The following ASAP2 variants were observed in gnomAD, a reference collection of about 807,000 sequenced individuals.
ASAP2 encodes the protein ArfGAP with SH3 domain, ankyrin repeat and PH domain 2.
Under a neutral mutation model 131.4 loss-of-function variants are expected in ASAP2, and 45 were observed. That is an observed-to-expected ratio of 0.34 (90% CI 0.27 to 0.44). ASAP2 has a LOEUF of 0.44. Ranked by LOEUF, ASAP2 falls within the 20% of genes least tolerant of loss-of-function variation. The pLI, the probability that ASAP2 is intolerant of heterozygous loss-of-function variation, is 1.00. For synonymous variants in ASAP2, 510 were observed against 503.0 expected, an observed-to-expected ratio of 1.01 and a Z score of -0.19; for missense variants, 1,011 against 1,297.0, an observed-to-expected ratio of 0.78 and a Z score of 3.39.
chr2:9,395,606 T>A (rs1324729603), intron 24 of ASAP2, among the ~76,000 whole-genome samples: 1 of 97,132 alleles, frequency 1.0e-5, no homozygotes, highest in Non-Finnish European at 2.0e-5. Context: ...TTTTTTTTTT[T>A]TTTTTTTTTT....
chr2:9,404,787 C>A lies in ASAP2; in HGVS notation c.*1460C>A. The A allele has an allele frequency of 6.6e-6, 1 of 151,272 alleles. No homozygotes were observed. The highest frequency in any genetic ancestry group is 2.4e-5 in the African/African-American group (1 of 41,158). The allele number at this position is 151,272 out of a possible 1,614,324, so 9.4% of individuals were successfully genotyped here. A position where few individuals can be genotyped will look rare whatever the true frequency, so the allele number is the denominator to read the frequency against. Reference sequence around the variant, plus strand: ...TTTTTGTTTTTGTTATAAAGGAAGACAGAACAAACTGGAATGTTTTATGAT... The same window carrying A: ...TTTTTGTTTTTGTTATAAAGGAAGAAAGAACAAACTGGAATGTTTTATGAT... On this transcript the variant is annotated 3_prime_UTR_variant, in exon 28 of 28. Transcript: ENST00000281419.
At position 9,392,564 on chromosome 2, in the gene ASAP2, G is replaced by T. The variant is rs1297341946; in HGVS notation, c.2519-918G>T. On this transcript the variant is annotated intron_variant, in intron 23 of 27. Coordinates refer to ENST00000281419, the MANE Select transcript of ASAP2 (RefSeq NM_003887.3). The surrounding 1 kb of genome is among the most constrained non-coding windows in gnomAD (Gnocchi z 4.0). ...AAAGGCCAGAAGGAACCACTTTCCT[G>T]CCTCTCCGTCTGGTGGTCCAGGGGC... Among the ~76,000 whole-genome samples, 3 of 152,202 alleles carry T rather than the reference G, an allele frequency of 2.0e-5. No homozygotes were observed. Among genetic ancestry groups the T allele is most frequent in the South Asian group, 2.1e-4 (1 of 4,824 alleles).
chr2:9,207,439 C>G lies in ASAP2; in HGVS notation c.126+209C>G, dbSNP rs553680094. Among the ~76,000 whole-genome samples the G allele has an allele frequency of 6.6e-6, 1 of 152,174 alleles. No individual in the cohort carries two copies. The highest frequency in any genetic ancestry group is 2.4e-5 in the African/African-American group (1 of 41,464). On this transcript the variant is annotated intron_variant, in intron 1 of 27. Transcript: ENST00000281419. The surrounding 1 kb of genome is among the most constrained non-coding windows in gnomAD (Gnocchi z 4.1). ...CCACCTTGGGCCTCTTTAAGACCTC[C>G]CCTCTCTCGGCCTCGTGGCCCTCGC... is the stretch of plus-strand genomic sequence containing the variant.
chr2:9,280,534 C>T (rs562197524), intron 2 of ASAP2, among the ~76,000 whole-genome samples: 12 of 152,266 alleles, frequency 7.9e-5, no homozygotes, highest in South Asian at 2.1e-4. Flanking sequence ...TAACAGAAGA[C>T]GCACAGGAAT....
At position 9,385,261 on chromosome 2, in the gene ASAP2, C is replaced by A; in HGVS notation, c.2033C>A (p.Ser678Tyr). ...HCEELLTQAL[S>Y]GRFNSHVHVE... The stretch of plus-strand genomic sequence containing the variant: ...TTCTCTCAGCTGACCCAAGCCTTAT[C>A]TGGAAGATTTAATTCTCACGTTCAC... The change falls in exon 21 of 28, where the codon TCT becomes TAT. Residue 678 changes from serine (S) to tyrosine (Y), a missense_variant. Ser to Tyr is a moderately radical substitution (Grantham distance 144). Transcript: ENST00000281419. 6.2e-7 allele frequency: 1 copy of A among 1,613,960 alleles called. No homozygotes were observed. The highest frequency in any genetic ancestry group is 8.5e-7 in the Non-Finnish European group (1 of 1,179,808).
intron 1 of ASAP2, among the ~76,000 whole-genome samples, chr2:9,253,092 T>G (rs1053110211): frequency 2.0e-5 from 3 of 152,170 alleles, no homozygotes; most frequent in African/African-American, 4.8e-5. Flanking sequence ...CGTTTTTTGT[T>G]GTTTTTTAAA....
chr2:9,293,599 T>A (rs924451392), intron 2 of ASAP2, among the ~76,000 whole-genome samples: 1 of 152,236 alleles, frequency 6.6e-6, no homozygotes, highest in African/African-American at 2.4e-5. Context: ...AATGATTTTC[T>A]GTTCTCTAGT....
At chr2:9,361,742 A>G (rs1156483378) in intron 15 of ASAP2, among the ~76,000 whole-genome samples, 3 of 151,958 alleles carry the variant, frequency 2.0e-5, no homozygotes, top group Non-Finnish European at 4.4e-5. Flanking sequence ...TAAGTTTTGC[A>G]TTTTTGGTAG....
At chr2:9,403,052 C>T (rs991156904) in intron 27 of ASAP2, among the ~76,000 whole-genome samples, 5 of 152,144 alleles carry the variant, frequency 3.3e-5, no homozygotes, top group African/African-American at 9.7e-5. Flanking sequence ...GCTCCTTACA[C>T]GGGAGAGGCC....
intron 21 of ASAP2, among the ~76,000 whole-genome samples, chr2:9,386,399 C>T (rs1329096543): frequency 6.6e-6 from 1 of 151,656 alleles, no homozygotes; most frequent in Non-Finnish European, 1.5e-5. Flanking sequence ...AAAAAAAAAG[C>T]TGGAAGCAGT....
chr2:9,391,252 G>C (rs192172589), intron 23 of ASAP2, 56 bp downstream of exon 23: 2 of 1,561,470 alleles, frequency 1.3e-6, no homozygotes, highest in Non-Finnish European at 1.7e-6. Context: ...TCTGGATGGC[G>C]GGGGGTGCTC....
At position 9,297,281 on chromosome 2, in the gene ASAP2, C is replaced by T. The variant is rs751553633; in HGVS notation, c.200-19C>T. ...GTGGCATGCCTGAGACTCACAGCAC[C>T]TCCGTCATTCTGTTGCAGCTCACGT... On this transcript the variant is annotated intron_variant, in intron 2 of 27. Coordinates refer to ENST00000281419, the MANE Select transcript of ASAP2 (RefSeq NM_003887.3). 6.2e-7 allele frequency: 1 copy of T among 1,610,426 alleles called. No individual in the cohort carries two copies. The highest frequency in any genetic ancestry group is 1.1e-5 in the South Asian group (1 of 90,918).
chr2:9,395,632 G>T (rs1676084610), intron 24 of ASAP2, among the ~76,000 whole-genome samples: 1 of 79,356 alleles, frequency 1.3e-5, no homozygotes, highest in African/African-American at 4.7e-5. Flanking sequence ...TTTTGAGATG[G>T]AGTCTTGCTC....
intron 1 of ASAP2, among the ~76,000 whole-genome samples, chr2:9,263,436 G>A (rs1665717522): frequency 6.6e-6 from 1 of 152,250 alleles, no homozygotes; most frequent in African/African-American, 2.4e-5. Flanking sequence ...TTGCCAAAAT[G>A]TGGCTTTTCC....
At chr2:9,322,326 C>T (rs867379642) in intron 5 of ASAP2, among the ~76,000 whole-genome samples, 1 of 152,222 alleles carries the variant, frequency 6.6e-6, no homozygotes, top group African/African-American at 2.4e-5. Context: ...CCCATTTCAT[C>T]ACTGGATGCC....
intron 24 of ASAP2, among the ~76,000 whole-genome samples, chr2:9,394,464 C>T (rs1675962447): frequency 6.6e-6 from 1 of 152,074 alleles, no homozygotes; most frequent in South Asian, 2.1e-4. Flanking sequence ...GCACCAGGCC[C>T]CAGTTCGTGG....
At chr2:9,255,347 A>G (rs1182409513) in intron 1 of ASAP2, among the ~76,000 whole-genome samples, 1 of 152,246 alleles carries the variant, frequency 6.6e-6, no homozygotes, top group Non-Finnish European at 1.5e-5. Flanking sequence ...AATAATCTGA[A>G]ACAAGATTCT....
At chr2:9,322,003 G>C (rs889055646) in intron 5 of ASAP2, among the ~76,000 whole-genome samples, 4 of 152,202 alleles carry the variant, frequency 2.6e-5, no homozygotes, top group Admixed American at 2.6e-4. Context: ...TCCCATACCT[G>C]ATTATTAAGA....
At chr2:9,296,690 A>T (rs1261807477) in intron 2 of ASAP2, among the ~76,000 whole-genome samples, 1 of 152,204 alleles carries the variant, frequency 6.6e-6, no homozygotes, top group Non-Finnish European at 1.5e-5. Flanking sequence ...GAGTGCAAGG[A>T]TAGGAGAGGT....
Sources: allele counts gnomAD v4.1 joint callset (sites outside exome capture counted in the v4.1 genomes callset), GRCh38; gene constraint gnomAD v4.1.1; non-coding constraint Gnocchi (gnomAD v3.1); transcripts MANE v1.5; gene names NCBI Gene and HGNC (gene_info 2026-07-23, HGNC 2026-07-21).